The following LIN52 variants were observed in gnomAD, a reference collection of about 807,000 sequenced individuals.
LIN52 encodes the protein lin-52 DREAM MuvB core complex component.
A neutral mutation model predicts 18.5 loss-of-function variants in LIN52; 4 were observed. The observed-to-expected ratio is 0.22, with a 90% confidence interval of 0.11 to 0.49. The LOEUF (loss-of-function observed/expected upper bound fraction) is 0.49, where lower values mean the gene tolerates loss of function less well. Among genes scored for constraint, LIN52 ranks in the 20% least tolerant of loss-of-function variants. The probability of loss-of-function intolerance (pLI) is 0.97; values close to 1 mark genes in which losing one functional copy is unlikely to be tolerated. For missense variants in LIN52, 102 were observed against 139.5 expected (o/e 0.73, Z 1.35); for synonymous variants, 34 against 45.5 (o/e 0.75, Z 1.02).
chr14:74,086,872 A>C (rs1405572393), intron 1 of LIN52, among the ~76,000 whole-genome samples: 1 of 152,184 alleles, frequency 6.6e-6, no homozygotes, highest in Non-Finnish European at 1.5e-5. Flanking sequence ...TTGCACAATT[A>C]ATGTACTTAA....
chr14:74,093,731 C>T (rs191861180), intron 2 of LIN52, among the ~76,000 whole-genome samples: 4 of 152,248 alleles, frequency 2.6e-5, no homozygotes, highest in South Asian at 2.1e-4. Flanking sequence ...TTTGAGAGGC[C>T]GAGGTGGGCG....
rs934417256 is a variant in LIN52, at chr14:74,192,668, T to G, written c.284-6254T>G. The G allele has an allele frequency of 2.4e-5, 6 of 251,486 alleles. No individual in the cohort carries two copies. The Admixed American group carries it at 2.5e-4, about 10-fold the overall frequency. 15.6% of individuals were successfully genotyped at this position (251,486 alleles called of 1,614,324 possible). On this transcript the variant is annotated intron_variant, in intron 5 of 5. Coordinates refer to ENST00000555028, the MANE Select transcript of LIN52 (RefSeq NM_001024674.3). ...CTAAGATTAAGAGGCATACACCACT[T>G]GGTAGACTAATGAAAGCTCGTTGTG...
chr14:74,170,170 A>G (rs2358630), intron 5 of LIN52, among the ~76,000 whole-genome samples: 118,036 of 152,164 alleles, frequency 0.78, 46,105 homozygotes, highest in Admixed American at 0.81. Context: ...AGCAAGAGAC[A>G]AAGTTGTTCA....
intron 5 of LIN52, among the ~76,000 whole-genome samples, chr14:74,124,565 CT>C (rs1392623042): frequency 6.6e-6 from 1 of 152,000 alleles, no homozygotes; most frequent in African/African-American, 2.4e-5. Context: ...AACCCTAGCC[CT>C]TTGGAAGGCT....
intron 5 of LIN52, among the ~76,000 whole-genome samples, chr14:74,153,502 ATGT>A (rs1438568952): frequency 6.6e-6 from 1 of 152,116 alleles, no homozygotes; most frequent in Non-Finnish European, 1.5e-5. Flanking sequence ...ATTTATAAAC[ATGT>A]TGTCTTTTAA....
intron 5 of LIN52, among the ~76,000 whole-genome samples, chr14:74,151,644 A>G (rs2061177159): frequency 6.6e-6 from 1 of 152,178 alleles, no homozygotes; most frequent in Admixed American, 6.6e-5. Flanking sequence ...ACTCTTTGCC[A>G]TATGGGGGTT....
At chr14:74,093,692 G>A (rs1163200181) in intron 2 of LIN52, among the ~76,000 whole-genome samples, 1 of 152,218 alleles carries the variant, frequency 6.6e-6, no homozygotes, top group Non-Finnish European at 1.5e-5. Flanking sequence ...CCGGCCAGGT[G>A]TGATGGCTCA....
chr14:74,136,584 G>A (rs1022906732), intron 5 of LIN52, among the ~76,000 whole-genome samples: 1 of 152,018 alleles, frequency 6.6e-6, no homozygotes, highest in South Asian at 2.1e-4. Flanking sequence ...AAAAACAAGG[G>A]TTTAATTAGC....
intron 5 of LIN52, among the ~76,000 whole-genome samples, chr14:74,160,262 G>A (rs1449105758): frequency 6.6e-6 from 1 of 152,244 alleles, no homozygotes; most frequent in East Asian, 1.9e-4. Flanking sequence ...AAAGAGAGAG[G>A]CCTGGAACAG....
chr14:74,170,506 CA>C (rs57293533), intron 5 of LIN52, among the ~76,000 whole-genome samples: 93,413 of 149,588 alleles, frequency 0.62, 29,861 homozygotes, highest in Admixed American at 0.7. Context: ...TTACCAACCT[CA>C]AAAAAAAAAA....
chr14:74,187,871 A>G (rs1293154065), intron 5 of LIN52, among the ~76,000 whole-genome samples: 1 of 152,198 alleles, frequency 6.6e-6, no homozygotes, highest in Non-Finnish European at 1.5e-5. Context: ...TCAGTAAGGT[A>G]GATACCAATC....
At chr14:74,085,133 A>G (rs1177703101) in intron 1 of LIN52, 140 bp downstream of exon 1, 2 of 783,524 alleles carry the variant, frequency 2.6e-6, no homozygotes, top group Non-Finnish European at 3.6e-6. Flanking sequence ...CTTGAGATCC[A>G]TCGCCGTCTT....
intron 5 of LIN52, among the ~76,000 whole-genome samples, chr14:74,195,556 A>ATG (rs59249126): frequency 0.76 from 113,899 of 149,578 alleles, 44,426 homozygotes; most frequent in Non-Finnish European, 0.85. Context: ...GTGTGTGTGT[A>ATG]TGTGTGTGTG....
chr14:74,188,616 C>T (rs139615668), intron 5 of LIN52, among the ~76,000 whole-genome samples: 59 of 151,994 alleles, frequency 3.9e-4, no homozygotes, highest in Non-Finnish European at 6.0e-4. Flanking sequence ...GCAGTAATTA[C>T]GGGTCATCTT....
At chr14:74,136,977 A>T (rs536111246) in intron 5 of LIN52, among the ~76,000 whole-genome samples, 2 of 152,166 alleles carry the variant, frequency 1.3e-5, no homozygotes, top group East Asian at 3.9e-4. Context: ...AATTTTAAAA[A>T]CTTATTTCAA....
rs2078931245 is a variant in LIN52 at position 74,198,954 on chromosome 14, A to G, written c.316A>G (p.Ile106Val). Residue 106 changes from isoleucine to valine, a missense_variant, in exon 6 of 6, where the codon ATT becomes GTT. Coordinates refer to ENST00000555028, the MANE Select transcript of LIN52 (RefSeq NM_001024674.3). ...REMTRGKFLN[I>V]LEKPKK ...GATGACACGGGGGAAATTCCTCAATATTCTAGAGAAGCCCAAGAAGTAGCA... is the reference window on the plus strand; with the variant it reads ...GATGACACGGGGGAAATTCCTCAATGTTCTAGAGAAGCCCAAGAAGTAGCA... 1 of 1,613,314 alleles carries G rather than the reference A, an allele frequency of 6.2e-7. No individual in the cohort carries two copies.
At chr14:74,141,592 T>C (rs1448266121) in intron 5 of LIN52, among the ~76,000 whole-genome samples, 2 of 152,254 alleles carry the variant, frequency 1.3e-5, no homozygotes, top group African/African-American at 4.8e-5. Flanking sequence ...TGTTACATTT[T>C]AGTCCAGTAT....
intron 5 of LIN52, among the ~76,000 whole-genome samples, chr14:74,110,821 C>T (rs2060921720): frequency 6.6e-6 from 1 of 151,616 alleles, no homozygotes; most frequent in South Asian, 2.1e-4. Context: ...AAAAAGTTAG[C>T]CGGGCGTGGT....
At position 74,084,964 on chromosome 14, in the gene LIN52, T is replaced by C. The variant is rs377148554; in HGVS notation, c.-11T>C. On this transcript the variant is annotated 5_prime_UTR_variant, in exon 1 of 6. An upstream start codon of the reference 5' UTR is lost. Coordinates refer to ENST00000555028, the MANE Select transcript of LIN52 (RefSeq NM_001024674.3). Reference sequence around the variant, plus strand: ...CGACGGTTGGCCACGTCACGTGACATGGGTTGGAAGATGGCGTCTCCCACA... The same window carrying C: ...CGACGGTTGGCCACGTCACGTGACACGGGTTGGAAGATGGCGTCTCCCACA... 1.8e-5 allele frequency: 26 copies of C among 1,459,846 alleles called. No individual in the cohort carries two copies. The highest frequency in any genetic ancestry group is 2.1e-5 in the Non-Finnish European group (23 of 1,104,896). The allele number at this position is 1,459,846 out of a possible 1,614,324, so 90.4% of individuals were successfully genotyped here. A position where few individuals can be genotyped will look rare whatever the true frequency, so the allele number is the denominator to read the frequency against.
Sources: gnomAD v4.1 joint callset for allele counts (sites outside exome capture counted in the v4.1 genomes callset) on GRCh38, gnomAD v4.1.1 for gene constraint, MANE v1.5 for transcripts, NCBI Gene and HGNC (gene_info 2026-07-23, HGNC 2026-07-21) for gene names.